The following DEPTOR variants were observed in gnomAD, a reference collection of about 807,000 sequenced individuals.
DEPTOR encodes the protein DEP domain-containing mTOR-interacting protein.
A neutral mutation model predicts 41.6 loss-of-function variants in DEPTOR; 41 were observed. The ratio of observed to expected loss-of-function variants is 0.98; its 90% confidence interval spans 0.77 to 1.28. The LOEUF (loss-of-function observed/expected upper bound fraction) is 1.28. DEPTOR is among the 50% of genes most tolerant of loss of function. The pLI is 0.00. For missense variants in DEPTOR, 514 were observed against 527.9 expected (o/e 0.97, Z 0.26); for synonymous variants, 195 against 192.3 (o/e 1.01, Z -0.12).
chr8:120,042,758 G>A (rs1813096539), intron 8 of DEPTOR, among the ~76,000 whole-genome samples: 1 of 152,020 alleles, frequency 6.6e-6, no homozygotes, highest in African/African-American at 2.4e-5. Flanking sequence ...GACCTCAGAT[G>A]ATCCACCTGC....
Position 119,986,442 on chromosome 8 carries a change from C to G in DEPTOR, c.605-15083C>G, listed in dbSNP as rs192995042. 7.0e-4 allele frequency among the ~76,000 whole-genome samples: 106 copies of G among 152,254 alleles called. 1 individual carries two copies. Among genetic ancestry groups the G allele is most frequent in the African/African-American group, 2.4e-3 (98 of 41,548 alleles). On this transcript the variant is annotated intron_variant, in intron 4 of 8. Transcript: ENST00000286234. ...CCTTTGTGGGTAACCCGACCTTTCTCTCTGGCTGCCCTTAATATTTTTTCC... is the reference window on the plus strand; with the variant it reads ...CCTTTGTGGGTAACCCGACCTTTCTGTCTGGCTGCCCTTAATATTTTTTCC...
chr8:120,012,005 T>TA (rs768224583), intron 8 of DEPTOR, among the ~76,000 whole-genome samples: 1 of 152,176 alleles, frequency 6.6e-6, no homozygotes, highest in South Asian at 2.1e-4. Flanking sequence ...CCACATACTT[T>TA]ATCCCCCTCT....
At chr8:120,024,365 A>C (rs1812767534) in intron 8 of DEPTOR, among the ~76,000 whole-genome samples, 1 of 152,210 alleles carries the variant, frequency 6.6e-6, no homozygotes, top group African/African-American at 2.4e-5. Context: ...TGGGAAATGT[A>C]GAATTTATTC....
intron 8 of DEPTOR, among the ~76,000 whole-genome samples, chr8:120,047,943 G>A (rs958255756): frequency 1.3e-5 from 2 of 152,042 alleles, no homozygotes; most frequent in Non-Finnish European, 2.9e-5. Context: ...CTACTCGGGA[G>A]GCTGAGGTGG....
At chr8:119,896,851 A>T (rs1198470528) in intron 1 of DEPTOR, among the ~76,000 whole-genome samples, 1 of 152,184 alleles carries the variant, frequency 6.6e-6, no homozygotes, top group Non-Finnish European at 1.5e-5. Flanking sequence ...AAACTTACAT[A>T]GATGATAATA....
chr8:119,901,740 A>G (rs182937479), intron 1 of DEPTOR, among the ~76,000 whole-genome samples: 1 of 151,644 alleles, frequency 6.6e-6, no homozygotes, highest in East Asian at 1.9e-4. Context: ...CACAGCAGCT[A>G]TTTGTTGATG....
At chr8:120,046,635 T>G (rs2130215493) in intron 8 of DEPTOR, among the ~76,000 whole-genome samples, 1 of 152,304 alleles carries the variant, frequency 6.6e-6, no homozygotes, top group East Asian at 1.9e-4. Context: ...ATATATATAT[T>G]TTGTAGAGAC....
chr8:120,023,800 G>GT (rs11447693), intron 8 of DEPTOR, among the ~76,000 whole-genome samples: 95,205 of 144,692 alleles, frequency 0.66, 31,469 homozygotes, highest in Middle Eastern at 0.74. Flanking sequence ...CACCTATTTT[G>GT]TTTTTTTTTT....
At position 119,936,008 on chromosome 8, in the gene DEPTOR, T is replaced by G. The variant is rs868824654; in HGVS notation, c.425+6070T>G. Among the ~76,000 whole-genome samples the G allele has an allele frequency of 7.6e-3, 1,153 of 151,244 alleles. 12 individuals are homozygous for G. Among genetic ancestry groups the G allele is most frequent in the African/African-American group, 0.026 (1,090 of 41,324 alleles). On this transcript the variant is annotated intron_variant, in intron 3 of 8. Coordinates refer to ENST00000286234, the MANE Select transcript of DEPTOR (RefSeq NM_022783.4). ...ACACATTAGTCTAGTTGTTTTTTTT[T>G]TTTTTTTTTTTATCCAAAGGGCCTT...
chr8:120,021,337 A>G (rs1161608251), intron 8 of DEPTOR, among the ~76,000 whole-genome samples: 4 of 152,198 alleles, frequency 2.6e-5, no homozygotes, highest in Non-Finnish European at 5.9e-5. Flanking sequence ...CAGGAGGCAG[A>G]GGTTGCAGTG....
At chr8:120,033,961 G>A (rs560663527) in intron 8 of DEPTOR, among the ~76,000 whole-genome samples, 57 of 152,034 alleles carry the variant, frequency 3.7e-4, no homozygotes, top group Non-Finnish European at 5.6e-4. Flanking sequence ...CAGCTCCACC[G>A]GGGGCTGAAG....
intron 8 of DEPTOR, among the ~76,000 whole-genome samples, chr8:120,036,835 T>C (rs2130187989): frequency 6.6e-6 from 1 of 152,330 alleles, no homozygotes; most frequent in Non-Finnish European, 1.5e-5. Flanking sequence ...GGTTACCTTA[T>C]GGTCAAGATC....
chr8:119,908,311 T>C (rs192326317), intron 1 of DEPTOR, among the ~76,000 whole-genome samples: 5 of 151,980 alleles, frequency 3.3e-5, no homozygotes, highest in Admixed American at 3.3e-4. Context: ...AGTAAATGGG[T>C]GAGGTGCAGT....
At chr8:119,893,932 A>C (rs2129724522) in intron 1 of DEPTOR, among the ~76,000 whole-genome samples, 1 of 152,326 alleles carries the variant, frequency 6.6e-6, no homozygotes, top group South Asian at 2.1e-4. Flanking sequence ...GTGAACTTCT[A>C]AATAGACAGG....
At chr8:120,016,760 T>A (rs2130124338) in intron 8 of DEPTOR, among the ~76,000 whole-genome samples, 1 of 152,054 alleles carries the variant, frequency 6.6e-6, no homozygotes, top group Non-Finnish European at 1.5e-5. Context: ...CATGCCACCA[T>A]GCCTGGCTAA....
intron 1 of DEPTOR, among the ~76,000 whole-genome samples, chr8:119,878,322 C>CTTT (rs34074804): frequency 7.1e-6 from 1 of 141,762 alleles, no homozygotes. Flanking sequence ...AATCCTGACA[C>CTTT]TTTTTTTTTT....
At chr8:120,038,512 G>A (rs1813011971) in intron 8 of DEPTOR, among the ~76,000 whole-genome samples, 2 of 149,032 alleles carry the variant, frequency 1.3e-5, no homozygotes, top group South Asian at 4.2e-4. Flanking sequence ...GATATAGCTT[G>A]AACTTGGGAG....
chr8:119,885,547 T>C (rs1827353316), intron 1 of DEPTOR, among the ~76,000 whole-genome samples: 1 of 152,182 alleles, frequency 6.6e-6, no homozygotes, highest in African/African-American at 2.4e-5. Flanking sequence ...GAGCATAGCC[T>C]AGGTCGTCAT....
chr8:120,044,071 CAAAA>C (rs371815554), intron 8 of DEPTOR, among the ~76,000 whole-genome samples: 5 of 90,220 alleles, frequency 5.5e-5, no homozygotes, highest in African/African-American at 1.9e-4. Context: ...GCTAGCCTAA[CAAAA>C]AAAAAAAAGA....
Sources: gnomAD v4.1 joint callset for allele counts (sites outside exome capture counted in the v4.1 genomes callset) on GRCh38, gnomAD v4.1.1 for gene constraint, MANE v1.5 for transcripts, NCBI Gene and HGNC (gene_info 2026-07-23, HGNC 2026-07-21) for gene names.